CDH4: variants seen among roughly 807,000 people sequenced by gnomAD.
CDH4 encodes cadherin 4, also known as cadherin-4.
A neutral mutation model predicts 86.0 loss-of-function variants in CDH4; 33 were observed. That is an observed-to-expected ratio of 0.38 (90% CI 0.29 to 0.51). CDH4 has a LOEUF of 0.51. Among genes scored for constraint, CDH4 ranks in the 20% least tolerant of loss-of-function variants. The pLI is 0.86. For missense variants in CDH4, 1,114 were observed against 1,307.4 expected (o/e 0.85, Z 2.28); for synonymous variants, 555 against 549.4 (o/e 1.01, Z -0.14).
At chr20:61,421,862 A>G (rs2085179590) in intron 2 of CDH4, among the ~76,000 whole-genome samples, 1 of 152,196 alleles carries the variant, frequency 6.6e-6, no homozygotes, top group Non-Finnish European at 1.5e-5. Flanking sequence ...GTTCTAACTC[A>G]ACCCATGCTC....
At chr20:61,471,942 T>C (rs1400709552) in intron 2 of CDH4, among the ~76,000 whole-genome samples, 1 of 152,200 alleles carries the variant, frequency 6.6e-6, no homozygotes, top group Admixed American at 6.5e-5. Flanking sequence ...TCCTTGAGGA[T>C]GATTTATGTT....
intron 2 of CDH4, among the ~76,000 whole-genome samples, chr20:61,381,943 G>GTA (rs2145447933): frequency 2.3e-5 from 2 of 88,576 alleles, no homozygotes. Flanking sequence ...AGGCATGGTG[G>GTA]CAGGCACCTG....
chr20:61,654,742 A>C (rs373607388), intron 2 of CDH4, among the ~76,000 whole-genome samples: 21 of 152,388 alleles, frequency 1.4e-4, no homozygotes, highest in African/African-American at 5.0e-4. Flanking sequence ...GTGTGGTCTC[A>C]CCACTGTCAG....
At chr20:61,273,343 T>C (rs2084196963) in intron 2 of CDH4, among the ~76,000 whole-genome samples, 3 of 120,680 alleles carry the variant, frequency 2.5e-5, no homozygotes, top group African/African-American at 6.4e-5. Context: ...GAGAGTACCT[T>C]GTGCAGTTTG....
chr20:61,336,600 C>T (rs1434227570), intron 2 of CDH4, among the ~76,000 whole-genome samples: 2 of 152,192 alleles, frequency 1.3e-5, no homozygotes, highest in Non-Finnish European at 2.9e-5. Context: ...AGAGCAGGTC[C>T]TTGCTAAGTA....
At chr20:61,649,867 C>G (rs1183184917) in intron 2 of CDH4, among the ~76,000 whole-genome samples, 1 of 152,208 alleles carries the variant, frequency 6.6e-6, no homozygotes, top group African/African-American at 2.4e-5. Flanking sequence ...GAGGCAGGAC[C>G]TTTTGTTAGC....
intron 2 of CDH4, among the ~76,000 whole-genome samples, chr20:61,572,823 CTATG>C (rs1308215729): frequency 1.5e-4 from 20 of 133,802 alleles, no homozygotes; most frequent in East Asian, 8.0e-4. Flanking sequence ...TTTCAGAACA[CTATG>C]GATGGATGGA....
intron 2 of CDH4, chr20:61,370,524 T>C (rs1460434709): frequency 1.3e-5 from 2 of 152,160 alleles, no homozygotes; most frequent in Non-Finnish European, 2.9e-5. Flanking sequence ...TCCTCCTCTA[T>C]AGACAGGGAG....
intron 4 of CDH4, among the ~76,000 whole-genome samples, chr20:61,828,944 C>T (rs1981454201): frequency 6.6e-6 from 1 of 152,258 alleles, no homozygotes. Context: ...ATTAGATTCT[C>T]ACAAGGAGCG....
chr20:61,397,783 G>A (rs1379256008), intron 2 of CDH4, among the ~76,000 whole-genome samples: 2 of 152,198 alleles, frequency 1.3e-5, no homozygotes, highest in Non-Finnish European at 2.9e-5. Context: ...ACCTTAGGAA[G>A]TGGCCACTGA....
chr20:61,742,666 C>G (rs1171896934), intron 2 of CDH4, among the ~76,000 whole-genome samples: 2 of 152,148 alleles, frequency 1.3e-5, no homozygotes, highest in Non-Finnish European at 2.9e-5. Flanking sequence ...GTGGGTGCGT[C>G]GTAATTTACC....
At chr20:61,710,291 C>G (rs73314427) in intron 2 of CDH4, among the ~76,000 whole-genome samples, 4,017 of 152,298 alleles carry the variant, frequency 0.026, 170 homozygotes, top group African/African-American at 0.092. Context: ...CAGCTCACCT[C>G]TCTGAGCCTG....
At chr20:61,848,711 AGAGACAGG>A (rs1352821282) in intron 5 of CDH4, among the ~76,000 whole-genome samples, 16 of 152,224 alleles carry the variant, frequency 1.1e-4, no homozygotes, top group African/African-American at 3.9e-4. Context: ...AATTTTTAAT[AGAGACAGG>A]GTTTTACCAT....
chr20:61,375,371 ATGGTTGGATTG>A (rs944498770), intron 2 of CDH4, among the ~76,000 whole-genome samples: 7 of 151,474 alleles, frequency 4.6e-5, no homozygotes, highest in Admixed American at 2.6e-4. Flanking sequence ...GCTGATTGTG[ATGGTTGGATTG>A]TGGTGATCAT....
chr20:61,575,284 A>C (rs2086374278), intron 2 of CDH4, among the ~76,000 whole-genome samples: 1 of 152,168 alleles, frequency 6.6e-6, no homozygotes, highest in African/African-American at 2.4e-5. Flanking sequence ...TGTGTTCCCA[A>C]GTTTAAGTTG....
chr20:61,388,954 A>G (rs771543080), intron 2 of CDH4, among the ~76,000 whole-genome samples: 2 of 152,230 alleles, frequency 1.3e-5, no homozygotes, highest in Admixed American at 6.5e-5. Context: ...TTGAAGTCCA[A>G]TCTTTTCACA....
chr20:61,308,330 C>T (rs2084428259), intron 2 of CDH4, among the ~76,000 whole-genome samples: 1 of 152,164 alleles, frequency 6.6e-6, no homozygotes, highest in South Asian at 2.1e-4. Flanking sequence ...CACAAAGCTG[C>T]CATGAGCCGC....
chr20:61,369,675 C>T lies in CDH4; in HGVS notation c.169+114738C>T, dbSNP rs114315069. 3.2e-3 allele frequency among the ~76,000 whole-genome samples: 492 copies of T among 151,732 alleles called. 3 individuals carry two copies. Among genetic ancestry groups the T allele is most frequent in the African/African-American group, 0.011 (454 of 41,364 alleles). On this transcript the variant is annotated intron_variant, in intron 2 of 15. Coordinates refer to ENST00000614565, the MANE Select transcript of CDH4 (RefSeq NM_001794.5). ...GAAGGAATTACAGGAATTATTTGTC[C>T]TCTTCATGCAACTTTCTGTAAATCT... is the stretch of plus-strand genomic sequence containing the variant.
intron 2 of CDH4, among the ~76,000 whole-genome samples, chr20:61,341,361 T>C (rs1420972966): frequency 6.6e-6 from 1 of 152,184 alleles, no homozygotes; most frequent in Non-Finnish European, 1.5e-5. Flanking sequence ...GCTTCAGCTA[T>C]GTAAACTCAG....
Sources: allele counts gnomAD v4.1 joint callset (sites outside exome capture counted in the v4.1 genomes callset), GRCh38; gene constraint gnomAD v4.1.1; transcripts MANE v1.5; gene names NCBI Gene and HGNC (gene_info 2026-07-23, HGNC 2026-07-21).